Variants in NRXN3 observed in about 807,000 individuals in gnomAD.
NRXN3 encodes neurexin III.
Under a neutral mutation model 137.6 loss-of-function variants are expected in NRXN3, and 32 were observed. The observed-to-expected ratio is 0.23, with a 90% confidence interval of 0.18 to 0.31. The LOEUF is 0.31. Among genes scored for constraint, NRXN3 ranks in the 10% least tolerant of loss-of-function variants. NRXN3 has a pLI of 1.00. For synonymous variants in NRXN3, 798 were observed against 784.5 expected (o/e 1.02, Z -0.29); for missense variants, 1,574 against 2,062.5 (o/e 0.76, Z 4.59).
At chr14:78,986,574 A>G (rs1274229069) in intron 14 of NRXN3, among the ~76,000 whole-genome samples, 3 of 152,220 alleles carry the variant, frequency 2.0e-5, no homozygotes, top group African/African-American at 7.2e-5. Flanking sequence ...AGTTATATAC[A>G]TGTACTATTA....
At chr14:78,336,102 A>G (rs1391620032) in intron 4 of NRXN3, among the ~76,000 whole-genome samples, 1 of 152,152 alleles carries the variant, frequency 6.6e-6, no homozygotes, top group East Asian at 1.9e-4. Flanking sequence ...CCCATAGAGT[A>G]TGATTCAATA....
chr14:78,953,970 C>G (rs1317965145), intron 10 of NRXN3, among the ~76,000 whole-genome samples: 2 of 152,146 alleles, frequency 1.3e-5, no homozygotes, highest in Non-Finnish European at 1.5e-5. Context: ...CCTTTACTTA[C>G]GTGAATCACT....
At chr14:79,795,422 C>T (rs1301685860) in intron 19 of NRXN3, among the ~76,000 whole-genome samples, 1 of 152,088 alleles carries the variant, frequency 6.6e-6, no homozygotes, top group Non-Finnish European at 1.5e-5. Flanking sequence ...ACCCATCCTC[C>T]CACATTTCTC....
chr14:78,635,064 A>G (rs1460913588), intron 4 of NRXN3, among the ~76,000 whole-genome samples: 2 of 152,202 alleles, frequency 1.3e-5, no homozygotes, highest in Non-Finnish European at 2.9e-5. Context: ...AAATATCTGT[A>G]GGAAGTTTCA....
intron 1 of NRXN3, among the ~76,000 whole-genome samples, chr14:78,179,199 A>C (rs2153347004): frequency 6.6e-6 from 1 of 152,216 alleles, no homozygotes; most frequent in South Asian, 2.1e-4. Flanking sequence ...AAAGGGTGGG[A>C]AGGGATGCCA....
intron 4 of NRXN3, among the ~76,000 whole-genome samples, chr14:78,465,875 G>C (rs746483089): frequency 2.1e-5 from 3 of 145,580 alleles, no homozygotes; most frequent in Non-Finnish European, 4.5e-5. Flanking sequence ...TTTTTGAGAT[G>C]GAGTCTTGCT....
intron 10 of NRXN3, among the ~76,000 whole-genome samples, chr14:78,897,881 T>C (rs550173640): frequency 2.0e-5 from 3 of 152,112 alleles, no homozygotes; most frequent in Non-Finnish European, 4.4e-5. Flanking sequence ...GGCATATACC[T>C]TATTAATTTA....
At chr14:79,348,207 G>A (rs1018151866) in intron 15 of NRXN3, among the ~76,000 whole-genome samples, 1 of 151,834 alleles carries the variant, frequency 6.6e-6, no homozygotes, top group Non-Finnish European at 1.5e-5. Context: ...TTTAGTTGAC[G>A]CTTATTCAAC....
chr14:78,834,608 G>A (rs1413109057), intron 10 of NRXN3, among the ~76,000 whole-genome samples: 1 of 152,130 alleles, frequency 6.6e-6, no homozygotes, highest in Non-Finnish European at 1.5e-5. Context: ...CAGGTGAGGA[G>A]GCTCCTTTTT....
chr14:78,830,241 G>A (rs750204389), intron 10 of NRXN3, among the ~76,000 whole-genome samples: 30 of 152,106 alleles, frequency 2.0e-4, no homozygotes, highest in Admixed American at 1.2e-3. Context: ...TAAGTTACTC[G>A]TAGCATGCTT....
chr14:79,180,095 A>G (rs2062761142), intron 15 of NRXN3, among the ~76,000 whole-genome samples: 1 of 152,208 alleles, frequency 6.6e-6, no homozygotes, highest in South Asian at 2.1e-4. Flanking sequence ...TAAAAATAAT[A>G]ATAAATTACC....
At chr14:78,286,416 A>C (rs2075184188) in intron 3 of NRXN3, among the ~76,000 whole-genome samples, 1 of 152,138 alleles carries the variant, frequency 6.6e-6, no homozygotes, top group Non-Finnish European at 1.5e-5. Context: ...GACCTCCTAC[A>C]CGACTCAGCT....
intron 15 of NRXN3, among the ~76,000 whole-genome samples, chr14:79,042,396 C>T (rs1240941215): frequency 2.0e-5 from 3 of 152,128 alleles, no homozygotes; most frequent in East Asian, 3.9e-4. Flanking sequence ...GCACGGTTTG[C>T]CTTATCCCTA....
At chr14:78,379,549 A>T (rs1304238627) in intron 4 of NRXN3, among the ~76,000 whole-genome samples, 1 of 152,240 alleles carries the variant, frequency 6.6e-6, no homozygotes, top group Non-Finnish European at 1.5e-5. Context: ...AGCACTTGAC[A>T]AAATTCAACA....
At chr14:79,538,246 T>C (rs11847985) in intron 16 of NRXN3, among the ~76,000 whole-genome samples, 41,350 of 152,008 alleles carry the variant, frequency 0.27, 6,483 homozygotes, top group African/African-American at 0.42. Flanking sequence ...GTAGGTTGCT[T>C]GTTCACTCTG....
At chr14:79,338,416 C>T (rs1005118023) in intron 15 of NRXN3, among the ~76,000 whole-genome samples, 3 of 151,934 alleles carry the variant, frequency 2.0e-5, no homozygotes, top group Non-Finnish European at 2.9e-5. Flanking sequence ...TTTTGAACTT[C>T]GATTTTACCA....
At chr14:79,070,277 T>C (rs1221144374) in intron 15 of NRXN3, among the ~76,000 whole-genome samples, 1 of 152,146 alleles carries the variant, frequency 6.6e-6, no homozygotes, top group African/African-American at 2.4e-5. Flanking sequence ...TCTGACTGTA[T>C]GGTAAAAGGA....
intron 15 of NRXN3, among the ~76,000 whole-genome samples, chr14:79,101,191 G>A (rs1174317732): frequency 1.3e-5 from 2 of 152,172 alleles, no homozygotes; most frequent in African/African-American, 4.8e-5. Flanking sequence ...AAGGAGGGGA[G>A]GCACTCAGGG....
At chr14:78,976,399 A>G (rs117365428) in intron 14 of NRXN3, among the ~76,000 whole-genome samples, 7,895 of 152,236 alleles carry the variant, frequency 0.052, 365 homozygotes, top group Admixed American at 0.16. Flanking sequence ...AGTGCTGGCT[A>G]TTTTGAGAAA....
Sources: gnomAD v4.1 joint callset for allele counts (sites outside exome capture counted in the v4.1 genomes callset) on GRCh38, gnomAD v4.1.1 for gene constraint, MANE v1.5 for transcripts, NCBI Gene and HGNC (gene_info 2026-07-23, HGNC 2026-07-21) for gene names.